SDK2: variants seen among roughly 807,000 people sequenced by gnomAD.
The protein encoded by SDK2 is sidekick cell adhesion molecule 2.
In SDK2, 105 loss-of-function variants were observed where a neutral mutation model predicts 253.9. The ratio of observed to expected loss-of-function variants is 0.41; its 90% CI spans 0.35 to 0.49. The LOEUF (loss-of-function observed/expected upper bound fraction) is 0.49, where lower values mean the gene tolerates loss of function less well. Ranked by LOEUF, SDK2 falls within the 20% of genes least tolerant of loss-of-function variation. The pLI is 0.06. For synonymous variants in SDK2, 1,249 were observed against 1,234.9 expected (o/e 1.01, Z -0.24); for missense variants, 2,608 against 3,003.0 (o/e 0.87, Z 3.07).
At chr17:73,544,128 T>G (rs1373622005) in intron 1 of SDK2, among the ~76,000 whole-genome samples, 2 of 152,260 alleles carry the variant, frequency 1.3e-5, no homozygotes, top group Non-Finnish European at 2.9e-5. Flanking sequence ...TATCCCATAA[T>G]GACGGTCCCC....
intron 28 of SDK2, 57 bp from the exon 29 acceptor site, chr17:73,390,538 C>G (rs2062919545): frequency 5.3e-6 from 8 of 1,523,148 alleles, no homozygotes; most frequent in South Asian, 5.0e-5. Flanking sequence ...CTCCTAGGGC[C>G]CCGGGAAGGG....
Position 73,455,760 on chromosome 17 carries a change from T to C in SDK2, c.479+146A>G. 1 of 864,316 alleles carries C rather than the reference T, an allele frequency of 1.2e-6. No homozygotes were observed. 53.5% of individuals were successfully genotyped at this position (864,316 alleles called of 1,614,324 possible). ...GCATCCTAAGAAAGCCCCTGGGAGG[T>C]CCCCTACCTGGCTGTGTCCCACAGG... is the stretch of plus-strand genomic sequence containing the variant. On this transcript the variant is annotated intron_variant, in intron 4 of 44. Coordinates refer to ENST00000392650, the MANE Select transcript of SDK2 (RefSeq NM_001144952.2). The surrounding 1 kb of genome is among the most constrained non-coding windows in gnomAD (Gnocchi z 5.0).
At chr17:73,503,691 A>T (rs1599628293) in intron 2 of SDK2, among the ~76,000 whole-genome samples, 1 of 152,080 alleles carries the variant, frequency 6.6e-6, no homozygotes, top group Admixed American at 6.6e-5. Flanking sequence ...CTTCTTCCCT[A>T]CCACGTGGCT....
rs1004892374 is a variant in SDK2 at position 73,338,670 on chromosome 17, G to A, written c.6436C>T (p.Gln2146Ter). Residue 2146 changes from glutamine (Q) to a stop codon, truncating the protein, a stop_gained, in exon 45 of 45, where the codon CAG (glutamine) becomes TAG (stop). Transcript: ENST00000392650. LOFTEE classifies it high-confidence loss of function. This position sits in a 1 kb window ranked among gnomAD's most constrained non-coding sequence, Gnocchi z 5.0. ...TPQNPPNPPS[Q>*]QSTLYRPPSS... The stretch of plus-strand genomic sequence containing the variant: ...GGGGGACGGTAGAGGGTGCTCTGCT[G>A]ACTTGGGGGGTTAGGGGGGTTCTGG... The A allele has an allele frequency of 6.3e-7, 1 of 1,584,314 alleles. No homozygotes were observed. The highest frequency in any genetic ancestry group is 8.6e-7 in the Non-Finnish European group (1 of 1,165,772).
At chr17:73,406,529 C>G (rs528658456) in intron 18 of SDK2, among the ~76,000 whole-genome samples, 1 of 151,844 alleles carries the variant, frequency 6.6e-6, no homozygotes, top group East Asian at 1.9e-4. Context: ...GAATTACAGG[C>G]GTGAGCCACC....
chr17:73,386,090 G>A (rs1426498640), intron 31 of SDK2, among the ~76,000 whole-genome samples, 173 bp from the exon 32 acceptor site: 3 of 152,176 alleles, frequency 2.0e-5, no homozygotes, highest in East Asian at 3.9e-4. Flanking sequence ...AAAGGGGAGG[G>A]AGGGAGGGAC....
rs981906541 is a variant in SDK2, at chr17:73,443,395, A to T, written c.614-2472T>A. Among the ~76,000 whole-genome samples the T allele has an allele frequency of 3.3e-5, 5 of 152,254 alleles. No individual in the cohort carries two copies. The highest frequency in any genetic ancestry group is 1.2e-4 in the African/African-American group (5 of 41,452). ...AAGCTGCTGATATAGCTGAATCCAT[A>T]AAAGTGTGCTCTAAGTTGTTTATTA... On this transcript the variant is annotated intron_variant, in intron 5 of 44. Transcript: ENST00000392650. The surrounding 1 kb of genome is among the most constrained non-coding windows in gnomAD (Gnocchi z 4.6).
intron 43 of SDK2, among the ~76,000 whole-genome samples, chr17:73,349,197 TGCTGGGCCTG>T (rs1259329340): frequency 6.6e-6 from 1 of 152,232 alleles, no homozygotes; most frequent in South Asian, 2.1e-4. Flanking sequence ...GCTATGGCCA[TGCTGGGCCTG>T]GCTGGGCCTG....
chr17:73,560,745 G>A (rs796271216), intron 1 of SDK2, among the ~76,000 whole-genome samples: 6 of 152,340 alleles, frequency 3.9e-5, no homozygotes, highest in African/African-American at 1.4e-4. Context: ...GCACCCGCAT[G>A]TTGGTGGGGA....
At chr17:73,357,861 G>A (rs769984739) in intron 40 of SDK2, 34 of 713,262 alleles carry the variant, frequency 4.8e-5, no homozygotes, top group South Asian at 9.0e-5. Context: ...ACTAACAGCC[G>A]TTCTCTGGGG....
chr17:73,537,458 T>C (rs2044795106), intron 1 of SDK2, among the ~76,000 whole-genome samples: 1 of 152,146 alleles, frequency 6.6e-6, no homozygotes, highest in African/African-American at 2.4e-5. Context: ...TCTCCCAAAG[T>C]TGGATCTATT....
Position 73,379,721 on chromosome 17 carries a change from G to A in SDK2, c.4763-172C>T, listed in dbSNP as rs1225899464. Among the ~76,000 whole-genome samples, 1 of 152,102 alleles carries A rather than the reference G, an allele frequency of 6.6e-6. No homozygotes were observed. The highest frequency in any genetic ancestry group is 1.5e-5 in the Non-Finnish European group (1 of 67,992). On this transcript the variant is annotated intron_variant, in intron 34 of 44. Transcript: ENST00000392650. This position sits in a 1 kb window ranked among gnomAD's most constrained non-coding sequence, Gnocchi z 4.5. Reference sequence around the variant, plus strand: ...GTGAGAGGCGGGGCCCCCAGGGGACGCTCTGTGCCAATCTGGACATAGGGC... The same window carrying A: ...GTGAGAGGCGGGGCCCCCAGGGGACACTCTGTGCCAATCTGGACATAGGGC...
rs2063984463 is a variant in SDK2 at position 73,511,960 on chromosome 17, T to C, written c.65-4363A>G. 6.6e-6 allele frequency among the ~76,000 whole-genome samples: 1 copy of C among 152,198 alleles called. No individual in the cohort carries two copies. The highest frequency in any genetic ancestry group is 1.5e-5 in the Non-Finnish European group (1 of 68,036). The stretch of plus-strand genomic sequence containing the variant: ...CTGCATGTATGTCCATGTGTGGACA[T>C]TCACATATCTGTGAATGTCAATGTG... On this transcript the variant is annotated intron_variant, in intron 1 of 44. Coordinates refer to ENST00000392650, the MANE Select transcript of SDK2 (RefSeq NM_001144952.2). The surrounding 1 kb of genome is among the most constrained non-coding windows in gnomAD (Gnocchi z 4.9).
intron 44 of SDK2, among the ~76,000 whole-genome samples, chr17:73,339,594 G>A (rs1378240447): frequency 6.6e-6 from 1 of 151,658 alleles, no homozygotes; most frequent in African/African-American, 2.4e-5. Flanking sequence ...GAATCACTGT[G>A]TTGCCCAGGC....
At chr17:73,592,582 T>C (rs2045698330) in intron 1 of SDK2, among the ~76,000 whole-genome samples, 1 of 152,126 alleles carries the variant, frequency 6.6e-6, no homozygotes, top group Non-Finnish European at 1.5e-5. Context: ...AATGTGACTG[T>C]CTGGAGTCTA....
chr17:73,501,179 G>T (rs2063888074), intron 2 of SDK2, among the ~76,000 whole-genome samples: 1 of 152,090 alleles, frequency 6.6e-6, no homozygotes, highest in Non-Finnish European at 1.5e-5. Flanking sequence ...GTGACTAACT[G>T]TTAACCTGCA....
At chr17:73,545,099 G>GCGCACACACACACACACA (rs147498499) in intron 1 of SDK2, among the ~76,000 whole-genome samples, 10 of 145,716 alleles carry the variant, frequency 6.9e-5, no homozygotes, top group African/African-American at 2.3e-4. Flanking sequence ...GCACGTGCAC[G>GCGCACACACACACACACA]CACACACACA....
At chr17:73,365,679 G>A (rs1473008979) in intron 37 of SDK2, among the ~76,000 whole-genome samples, 1 of 152,166 alleles carries the variant, frequency 6.6e-6, no homozygotes, top group African/African-American at 2.4e-5. Context: ...AAGTGGCTCT[G>A]AGCCCGGGCT....
At chr17:73,437,450 A>C (rs1396694076) in intron 8 of SDK2, among the ~76,000 whole-genome samples, 1 of 152,138 alleles carries the variant, frequency 6.6e-6, no homozygotes, top group Non-Finnish European at 1.5e-5. Context: ...CATTGTCTAC[A>C]GCTCTCAAAT....
Sources: gnomAD v4.1 joint callset for allele counts (sites outside exome capture counted in the v4.1 genomes callset) on GRCh38, gnomAD v4.1.1 for gene constraint, Gnocchi (gnomAD v3.1) non-coding constraint, MANE v1.5 for transcripts, NCBI Gene and HGNC (gene_info 2026-07-23, HGNC 2026-07-21) for gene names.